Variants in KIAA1671 observed in about 807,000 individuals in gnomAD.
The protein encoded by KIAA1671 is uncharacterized protein KIAA1671.
A neutral mutation model predicts 131.2 loss-of-function variants in KIAA1671; 52 were observed. That is an observed-to-expected ratio of 0.40 (90% confidence interval 0.32 to 0.50). The LOEUF is 0.50. Among genes scored for constraint, KIAA1671 ranks in the 20% least tolerant of loss-of-function variants. The probability of loss-of-function intolerance (pLI) is 0.73; values close to 1 mark genes in which losing one functional copy is unlikely to be tolerated. For missense variants in KIAA1671, 2,360 were observed against 2,364.2 expected, an observed-to-expected ratio of 1.00 and a Z score of 0.04; for synonymous variants, 1,003 against 961.6, an observed-to-expected ratio of 1.04 and a Z score of -0.80.
intron 1 of KIAA1671, among the ~76,000 whole-genome samples, chr22:25,003,284 A>G (rs1383707223): frequency 1.3e-5 from 2 of 152,172 alleles, no homozygotes; most frequent in African/African-American, 4.8e-5. Context: ...CATTTCATAT[A>G]GAAACTGGCT....
chr22:25,129,872 A>T (rs1196760623), intron 6 of KIAA1671, among the ~76,000 whole-genome samples: 1 of 152,174 alleles, frequency 6.6e-6, no homozygotes, highest in Non-Finnish European at 1.5e-5. Context: ...TGTTATGGAC[A>T]TGTTGTGAAG....
intron 6 of KIAA1671, among the ~76,000 whole-genome samples, chr22:25,093,824 T>TCTCTCTCTC (rs1555877745): frequency 8.2e-4 from 18 of 21,950 alleles, no homozygotes; most frequent in South Asian, 1.7e-3. Context: ...CTCTCTCTCT[T>TCTCTCTCTC]TCTCTCTCTG....
intron 1 of KIAA1671, among the ~76,000 whole-genome samples, chr22:24,985,507 T>C (rs977386554): frequency 1.3e-5 from 2 of 151,954 alleles, no homozygotes; most frequent in Admixed American, 6.6e-5. Flanking sequence ...GCCCGGCTAA[T>C]TTTTTGTATT....
intron 1 of KIAA1671, among the ~76,000 whole-genome samples, chr22:25,001,081 C>T (rs752400828): frequency 1.3e-5 from 2 of 150,682 alleles, no homozygotes; most frequent in Non-Finnish European, 2.9e-5. Context: ...AAAAGAAATA[C>T]AAAACTGAGT....
intron 6 of KIAA1671, among the ~76,000 whole-genome samples, chr22:25,114,163 CTAAATACA>C (rs994514970): frequency 2.0e-4 from 31 of 152,314 alleles, no homozygotes; most frequent in Non-Finnish European, 2.8e-4. Flanking sequence ...TAAATACATG[CTAAATACA>C]TTCAAGCTTC....
At chr22:25,187,581 A>G (rs1431620279) in intron 11 of KIAA1671, among the ~76,000 whole-genome samples, 1 of 152,070 alleles carries the variant, frequency 6.6e-6, no homozygotes, top group African/African-American at 2.4e-5. Flanking sequence ...CAATGGCATG[A>G]TTATAGCCTC....
intron 6 of KIAA1671, among the ~76,000 whole-genome samples, chr22:25,074,514 A>AAAAAAAAAAAAAAAAAAG (rs59411918): frequency 6.8e-5 from 8 of 117,422 alleles, no homozygotes; most frequent in Non-Finnish European, 9.9e-5. Flanking sequence ...AAAAAAAAAA[A>AAAAAAAAAAAAAAAAAAG]AAAGAAAGAA....
chr22:25,018,864 A>G (rs970055788), intron 1 of KIAA1671, among the ~76,000 whole-genome samples: 1 of 152,196 alleles, frequency 6.6e-6, no homozygotes, highest in Admixed American at 6.5e-5. Context: ...TGCTTCAAAC[A>G]TTGGTGTACA....
At chr22:25,182,559 C>T (rs1274226743) in intron 10 of KIAA1671, among the ~76,000 whole-genome samples, 1 of 152,172 alleles carries the variant, frequency 6.6e-6, no homozygotes, top group African/African-American at 2.4e-5. Context: ...TAGTATTTCA[C>T]ATGACCATAG....
chr22:25,027,639 C>G (rs1926021305), intron 2 of KIAA1671, among the ~76,000 whole-genome samples: 2 of 152,244 alleles, frequency 1.3e-5, no homozygotes, highest in Non-Finnish European at 2.9e-5. Context: ...GCAGAGATCA[C>G]TGCTTTTTGC....
At chr22:25,190,476 G>A (rs1192035160) in intron 11 of KIAA1671, among the ~76,000 whole-genome samples, 1 of 152,228 alleles carries the variant, frequency 6.6e-6, no homozygotes, top group African/African-American at 2.4e-5. Context: ...GTGGCCCAGG[G>A]GGTTGGGGAC....
At chr22:24,988,790 G>A (rs1372179112) in intron 1 of KIAA1671, among the ~76,000 whole-genome samples, 1 of 151,644 alleles carries the variant, frequency 6.6e-6, no homozygotes, top group Non-Finnish European at 1.5e-5. Context: ...TGAGAATTGT[G>A]GTCCGGTGTC....
In KIAA1671 at chr22:25,177,448, G is replaced by C; in HGVS notation, c.5000G>C (p.Arg1667Pro). The C allele has an allele frequency of 6.4e-7, 1 of 1,551,760 alleles. No homozygotes were observed. The highest frequency in any genetic ancestry group is 8.7e-7 in the Non-Finnish European group (1 of 1,147,016). Reference sequence around the variant, plus strand: ...ATCTCCCACTCCCTCCGGCGCAGCCGATTTAGTGAGTCCGAGAGCAGATCA... The same window carrying C: ...ATCTCCCACTCCCTCCGGCGCAGCCCATTTAGTGAGTCCGAGAGCAGATCA... ...APISHSLRRS[R>P]FSESESRSPL... The change falls in exon 9 of 13, where the codon CGA becomes CCA. Residue 1667 changes from arginine to proline, a missense_variant. Physicochemically the swap from Arg to Pro is moderately radical, Grantham distance 103. Around this residue, in one of 3 missense-constraint regions of KIAA1671, gnomAD observed 1,161 missense variants for 1,204.7 expected, o/e 0.96. Coordinates refer to ENST00000358431, the MANE Select transcript of KIAA1671 (RefSeq NM_001145206.2).
intron 6 of KIAA1671, among the ~76,000 whole-genome samples, chr22:25,152,857 G>A (rs182716683): frequency 9.9e-5 from 15 of 152,152 alleles, no homozygotes; most frequent in East Asian, 7.7e-4. Context: ...CACTCGCCTC[G>A]GCCTCCCAAA....
At chr22:25,155,393 A>G (rs576144724) in intron 6 of KIAA1671, among the ~76,000 whole-genome samples, 4 of 150,636 alleles carry the variant, frequency 2.7e-5, no homozygotes, top group Admixed American at 2.6e-4. Context: ...GTGTATGTGT[A>G]TTTGTGTCTG....
intron 6 of KIAA1671, chr22:25,051,511 GTGGTAGCT>G (rs1927534072): frequency 6.6e-6 from 1 of 152,306 alleles, no homozygotes; most frequent in Non-Finnish European, 1.5e-5. Context: ...CTCAACTGCA[GTGGTAGCT>G]TTTGCTTCTT....
At position 24,966,346 on chromosome 22, in the gene KIAA1671, C is replaced by T. The variant is rs559184617; in HGVS notation, c.-208+13574C>T. ...CTGCAGAAGGGGAGCCCAGCGGGTG[C>T]ATTGGGTGCACCGAGGTCACTGTAC... is the stretch of plus-strand genomic sequence containing the variant. On this transcript the variant is annotated intron_variant, in intron 1 of 12. Transcript: ENST00000358431. Among the ~76,000 whole-genome samples the T allele has an allele frequency of 5.9e-5, 9 of 152,320 alleles. No individual in the cohort carries two copies. The South Asian group carries it at 1.4e-3, about 25-fold the overall frequency.
intron 1 of KIAA1671, chr22:25,024,126 G>C (rs1189540258): frequency 2.0e-5 from 3 of 152,204 alleles, no homozygotes; most frequent in Non-Finnish European, 2.9e-5. Context: ...GCACTGTTTG[G>C]TGTAGAGGAG....
At position 25,093,813 on chromosome 22, in the gene KIAA1671, TCTCTCTCTCTTTCTCTCTCTGTCTGTC is replaced by T. The variant is rs1930233684; in HGVS notation, c.4530+44450_4530+44476del. On this transcript the variant is annotated intron_variant, in intron 6 of 12. Coordinates refer to ENST00000358431, the MANE Select transcript of KIAA1671 (RefSeq NM_001145206.2). ...CTCTCTCTCTCTCTCTCTCTCTCTG[TCTCTCTCTCTTTCTCTCTCTGTCTGTC>T]TCTCTCTCTCTCTCTCTCTCTCTCT... Among the ~76,000 whole-genome samples, 2 of 98,178 alleles carry T rather than the reference TCTCTCTCTCTTTCTCTCTCTGTCTGTC, an allele frequency of 2.0e-5. 1 individual carries two copies. Among genetic ancestry groups the T allele is most frequent in the African/African-American group, 8.2e-5 (2 of 24,378 alleles). The allele number at this position is 98,178 out of a possible 152,430, so 64.4% of individuals were successfully genotyped here. A position where few individuals can be genotyped will look rare whatever the true frequency, so the allele number is the denominator to read the frequency against.
Sources: allele counts gnomAD v4.1 joint callset (sites outside exome capture counted in the v4.1 genomes callset), GRCh38; gene constraint gnomAD v4.1.1; regional missense constraint gnomAD v4.1.1; transcripts MANE v1.5; gene names NCBI Gene and HGNC (gene_info 2026-07-23, HGNC 2026-07-21).